TMEM275: variants seen among roughly 807,000 people sequenced by gnomAD.
TMEM275 encodes the protein transmembrane protein 275.
In TMEM275 at chr1:46,533,781, G is replaced by A. The variant is rs1484740702; in HGVS notation, c.-123-131C>T. ...GGCCAGCCCCCTGCCTCTGCCTCTGGGAAGCAACAAACCATCCCATATGTG... is the reference window on the plus strand; with the variant it reads ...GGCCAGCCCCCTGCCTCTGCCTCTGAGAAGCAACAAACCATCCCATATGTG... On this transcript the variant is annotated intron_variant, in intron 1 of 1. Transcript: ENST00000634804. This position sits in a 1 kb window ranked among gnomAD's most constrained non-coding sequence, Gnocchi z 4.4. Among the ~76,000 whole-genome samples the A allele has an allele frequency of 6.6e-6, 1 of 152,172 alleles. No homozygotes were observed. The highest frequency in any genetic ancestry group is 1.5e-5 in the Non-Finnish European group (1 of 68,026).
Position 46,533,724 on chromosome 1 carries a change from C to T in TMEM275, c.-123-74G>A. 1.1e-5 allele frequency: 4 copies of T among 363,648 alleles called. No individual in the cohort carries two copies. The highest frequency in any genetic ancestry group is 2.0e-5 in the Non-Finnish European group (4 of 203,884). The allele number at this position is 363,648 out of a possible 1,614,324, so 22.5% of individuals were successfully genotyped here. ...CAGTCCTAGGCTCCGTCTGTAGCTA[C>T]ACTGAGTGCCTGGGTGGGCAGAGGT... On this transcript the variant is annotated intron_variant, in intron 1 of 1. Coordinates refer to ENST00000634804, the Ensembl canonical transcript of TMEM275. This position sits in a 1 kb window ranked among gnomAD's most constrained non-coding sequence, Gnocchi z 4.4.
At chr1:46,534,430 G>A (rs908580856) in intron 1 of TMEM275, among the ~76,000 whole-genome samples, 25 bp downstream of exon 2, 2 of 152,090 alleles carry the variant, frequency 1.3e-5, no homozygotes, top group Non-Finnish European at 2.9e-5. Context: ...TCTAGACTGG[G>A]CATTCTATTA....
At position 46,533,776 on chromosome 1, in the gene TMEM275, CT is replaced by C. The variant is rs1262388474; in HGVS notation, c.-123-127del. On this transcript the variant is annotated intron_variant, in intron 1 of 1. Transcript: ENST00000634804. The surrounding 1 kb of genome is among the most constrained non-coding windows in gnomAD (Gnocchi z 4.4). Reference sequence around the variant, plus strand: ...ATCTTGGCCAGCCCCCTGCCTCTGCCTCTGGGAAGCAACAAACCATCCCATA... The same window carrying C: ...ATCTTGGCCAGCCCCCTGCCTCTGCCCTGGGAAGCAACAAACCATCCCATA... 1.3e-5 allele frequency among the ~76,000 whole-genome samples: 2 copies of C among 152,216 alleles called. No homozygotes were observed. Among genetic ancestry groups the C allele is most frequent in the Admixed American group, 6.5e-5 (1 of 15,288 alleles).
At chr1:46,534,736 T>TG (rs2148500940) in intron 1 of TMEM275, among the ~76,000 whole-genome samples, 153 bp from the exon 2 acceptor site, 1 of 152,002 alleles carries the variant, frequency 6.6e-6, no homozygotes, top group Admixed American at 6.5e-5. Flanking sequence ...GTTAGAATTG[T>TG]GGGGAAAAAA....
Position 46,534,113 on chromosome 1 carries a change from A to C in TMEM275, c.-123-463T>G, listed in dbSNP as rs944339402. 3.9e-5 allele frequency among the ~76,000 whole-genome samples: 6 copies of C among 152,136 alleles called. No homozygotes were observed. The South Asian group carries it at 8.3e-4, about 21-fold the overall frequency. ...TCAAGTGGAAGAGGCCTTGGAAATC[A>C]TCTGACCTTGCCCCCCACCCCCACC... On this transcript the variant is annotated intron_variant, in intron 1 of 1. Transcript: ENST00000634804.
chr1:46,532,898 T>G (rs1433396331), exon 2 of TMEM275: 1 of 388,714 alleles, frequency 2.6e-6, no homozygotes, highest in African/African-American at 2.1e-5. Flanking sequence ...AAAGGTTTTC[T>G]TTTTTCTTTT....
In TMEM275 at chr1:46,533,405, C is replaced by T. The variant is rs1297473271; in HGVS notation, c.123G>A (p.Leu41=). 2.9e-5 allele frequency: 11 copies of T among 378,702 alleles called. No homozygotes were observed. Among genetic ancestry groups the T allele is most frequent in the Non-Finnish European group, 4.2e-5 (9 of 213,190 alleles). The allele number at this position is 378,702 out of a possible 1,614,324, so 23.5% of individuals were successfully genotyped here. Residue 41 remains leucine, a synonymous_variant, in exon 2 of 2, where the codon CTG becomes CTA. Coordinates refer to ENST00000634804, the Ensembl canonical transcript of TMEM275. The surrounding 1 kb of genome is among the most constrained non-coding windows in gnomAD (Gnocchi z 4.4). ...CTGCCAGCGTCACGTTCACGCCCGCCAGCAGCGCGCACAGACCGCAGGCGC... is the reference window on the plus strand; with the variant it reads ...CTGCCAGCGTCACGTTCACGCCCGCTAGCAGCGCGCACAGACCGCAGGCGC...
exon 2 of TMEM275, chr1:46,532,451 T>A (rs1666679473): frequency 6.6e-6 from 1 of 152,382 alleles, no homozygotes; most frequent in Admixed American, 6.5e-5. Context: ...CCAAAGGTCA[T>A]GTTGGGGTAG....
In TMEM275 at chr1:46,533,452, G is replaced by A; in HGVS notation, c.76C>T (p.Leu26=). 1 of 384,804 alleles carries A rather than the reference G, an allele frequency of 2.6e-6. No individual in the cohort carries two copies. The highest frequency in any genetic ancestry group is 3.7e-5 in the East Asian group (1 of 26,916). The allele number at this position is 384,804 out of a possible 1,614,324, so 23.8% of individuals were successfully genotyped here. Residue 26 remains leucine (L), a synonymous_variant, in exon 2 of 2, where the codon CTG becomes TTG. Transcript: ENST00000634804. The surrounding 1 kb of genome is among the most constrained non-coding windows in gnomAD (Gnocchi z 4.4). ...GCGCAGCACAGCGCCGGCGACGGCAGGCCGGGCACCCGGCCCCGGGCGCGT... is the reference window on the plus strand; with the variant it reads ...GCGCAGCACAGCGCCGGCGACGGCAAGCCGGGCACCCGGCCCCGGGCGCGT...
At chr1:46,532,713 G>A (rs1666682341) in exon 2 of TMEM275, 1 of 286,202 alleles carries the variant, frequency 3.5e-6, no homozygotes, top group Admixed American at 5.2e-5. Flanking sequence ...GATGGGTAAG[G>A]TTTACTAGAG....
In TMEM275 at chr1:46,533,869, C is replaced by G. The variant is rs1330537782; in HGVS notation, c.-123-219G>C. On this transcript the variant is annotated intron_variant, in intron 1 of 1. Transcript: ENST00000634804. The surrounding 1 kb of genome is among the most constrained non-coding windows in gnomAD (Gnocchi z 4.4). ...CCTCGTGGCCAATCTTGCCATCCTC[C>G]CTCTCTCCTCACTTTTTTGTCCTCC... 1.3e-5 allele frequency among the ~76,000 whole-genome samples: 2 copies of G among 152,158 alleles called. No homozygotes were observed. Among genetic ancestry groups the G allele is most frequent in the South Asian group, 4.1e-4 (2 of 4,832 alleles).
rs1050141372 is a variant in TMEM275, at chr1:46,533,232, C to A, written c.296G>T (p.Gly99Val). The change falls in exon 2 of 2, where the codon GGC becomes GTC. Residue 99 changes from glycine to valine, a missense_variant. Transcript: ENST00000634804. This position sits in a 1 kb window ranked among gnomAD's most constrained non-coding sequence, Gnocchi z 4.4. ...GGCGCGGCCGCCACCCTGGCCCGGG[C>A]CCGCCGCGGCCGCCGAGCGCCCACG... is the stretch of plus-strand genomic sequence containing the variant. 66 of 333,006 alleles carry A rather than the reference C, an allele frequency of 2.0e-4. No individual in the cohort carries two copies. Among genetic ancestry groups the A allele is most frequent in the African/African-American group, 1.4e-3 (64 of 46,014 alleles). The allele number at this position is 333,006 out of a possible 1,614,324, so 20.6% of individuals were successfully genotyped here.
Position 46,533,375 on chromosome 1 carries a change from G to A in TMEM275, c.153C>T (p.Ala51=), listed in dbSNP as rs1450152936. The change falls in exon 2 of 2, where the codon GCC becomes GCT. Residue 51 remains alanine, a synonymous_variant. Transcript: ENST00000634804. The surrounding 1 kb of genome is among the most constrained non-coding windows in gnomAD (Gnocchi z 4.4). ...TGTGCTCGGGCAAGAAGGAGGCGAA[G>A]GCGCCTGCCAGCGTCACGTTCACGC... The A allele has an allele frequency of 2.6e-6, 1 of 378,218 alleles. No homozygotes were observed. Among genetic ancestry groups the A allele is most frequent in the Non-Finnish European group, 4.7e-6 (1 of 212,866 alleles). The allele number at this position is 378,218 out of a possible 1,614,324, so 23.4% of individuals were successfully genotyped here.
In TMEM275 at chr1:46,533,070, G is replaced by A. The variant is rs1000333232; in HGVS notation, c.458C>T (p.Pro153Leu). The A allele has an allele frequency of 1.1e-4, 45 of 394,538 alleles. No individual in the cohort carries two copies. The highest frequency in any genetic ancestry group is 1.7e-4 in the Non-Finnish European group (39 of 223,516). 24.4% of individuals were successfully genotyped at this position (394,538 alleles called of 1,614,324 possible). Residue 153 changes from proline (P) to leucine (L), a missense_variant, in exon 2 of 2, where the codon CCG (proline) becomes CTG (leucine). Transcript: ENST00000634804. The surrounding 1 kb of genome is among the most constrained non-coding windows in gnomAD (Gnocchi z 4.4). ...CAGCGCGCAGACGGCCGCGGGCGCC[G>A]GGGCCTCCAGGGCGAGGGGGCTGGG...
chr1:46,534,030 C>A (rs1666707424), intron 1 of TMEM275, among the ~76,000 whole-genome samples: 1 of 152,192 alleles, frequency 6.6e-6, no homozygotes, highest in Non-Finnish European at 1.5e-5. Context: ...TCATCGTCTT[C>A]AGTAGTCCTA....
At position 46,533,414 on chromosome 1, in the gene TMEM275, G is replaced by A. The variant is rs1373947866; in HGVS notation, c.114C>T (p.Cys38=). 2.6e-6 allele frequency: 1 copy of A among 379,034 alleles called. No homozygotes were observed. Among genetic ancestry groups the A allele is most frequent in the Non-Finnish European group, 4.7e-6 (1 of 213,360 alleles). The allele number at this position is 379,034 out of a possible 1,614,324, so 23.5% of individuals were successfully genotyped here. A position where few individuals can be genotyped will look rare whatever the true frequency, so the allele number is the denominator to read the frequency against. ...TCACGTTCACGCCCGCCAGCAGCGC[G>A]CACAGACCGCAGGCGCAGCACAGCG... Residue 38 remains cysteine (C), a synonymous_variant, in exon 2 of 2, where the codon TGC becomes TGT. Coordinates refer to ENST00000634804, the Ensembl canonical transcript of TMEM275. The surrounding 1 kb of genome is among the most constrained non-coding windows in gnomAD (Gnocchi z 4.4).
At chr1:46,534,083 C>T (rs1431192446) in intron 1 of TMEM275, among the ~76,000 whole-genome samples, 42 bp from the exon 3 acceptor site, 1 of 152,196 alleles carries the variant, frequency 6.6e-6, no homozygotes, top group East Asian at 1.9e-4. Context: ...AGGCAACTCA[C>T]TCTCTCAAGT....
At position 46,533,161 on chromosome 1, in the gene TMEM275, C is replaced by G. The variant is rs1250834695; in HGVS notation, c.367G>C (p.Asp123His). 1 of 385,564 alleles carries G rather than the reference C, an allele frequency of 2.6e-6. No homozygotes were observed. 23.9% of individuals were successfully genotyped at this position (385,564 alleles called of 1,614,324 possible). The change falls in exon 2 of 2, where the codon GAC becomes CAC. Residue 123 changes from aspartate to histidine, a missense_variant. By Grantham distance (81) the Asp-to-His change is moderately conservative. Coordinates refer to ENST00000634804, the Ensembl canonical transcript of TMEM275. The surrounding 1 kb of genome is among the most constrained non-coding windows in gnomAD (Gnocchi z 4.4). ...GGGCTGAGCTGCACGGCCGTGGTGT[C>G]CTGTGCCGTGGGCTCGCTGCTCTCC... is the stretch of plus-strand genomic sequence containing the variant.
In TMEM275 at chr1:46,533,345, C is replaced by T; in HGVS notation, c.183G>A (p.Ala61=). The T allele has an allele frequency of 2.7e-6, 1 of 375,720 alleles. No homozygotes were observed. Among genetic ancestry groups the T allele is most frequent in the Non-Finnish European group, 4.7e-6 (1 of 211,244 alleles). The allele number at this position is 375,720 out of a possible 1,614,324, so 23.3% of individuals were successfully genotyped here. A position where few individuals can be genotyped will look rare whatever the true frequency, so the allele number is the denominator to read the frequency against. The change falls in exon 2 of 2, where the codon GCG becomes GCA. Residue 61 remains alanine (A), a synonymous_variant. Coordinates refer to ENST00000634804, the Ensembl canonical transcript of TMEM275. The surrounding 1 kb of genome is among the most constrained non-coding windows in gnomAD (Gnocchi z 4.4). ...GCAGCGCCAGCCCCACGACGAGCAG[C>T]GCGTTGTGCTCGGGCAAGAAGGAGG...
Sources: allele counts gnomAD v4.1 joint callset (sites outside exome capture counted in the v4.1 genomes callset), GRCh38; gene constraint gnomAD v4.1.1; non-coding constraint Gnocchi (gnomAD v3.1); transcripts MANE v1.5; gene names NCBI Gene and HGNC (gene_info 2026-07-23, HGNC 2026-07-21).